The following NCAM1 variants were observed in gnomAD, a reference collection of about 807,000 sequenced individuals.
The protein encoded by NCAM1 is antigen recognized by monoclonal antibody 5.1H11.
Under a neutral mutation model 109.8 loss-of-function variants are expected in NCAM1, and 14 were observed. That is an observed-to-expected ratio of 0.13 (90% CI 0.08 to 0.20). The LOEUF (loss-of-function observed/expected upper bound fraction) is 0.20. Ranked by LOEUF, NCAM1 falls within the 10% of genes least tolerant of loss-of-function variation. NCAM1 has a pLI of 1.00. For synonymous variants in NCAM1, 418 were observed against 442.9 expected, an observed-to-expected ratio of 0.94 and a Z score of 0.70; for missense variants, 774 against 1,109.9, an observed-to-expected ratio of 0.70 and a Z score of 4.30.
chr11:113,002,598 G>A (rs1350705158), intron 1 of NCAM1, among the ~76,000 whole-genome samples: 3 of 152,082 alleles, frequency 2.0e-5, no homozygotes, highest in African/African-American at 7.2e-5. Context: ...ATATTTGAAG[G>A]GGCTTCCATC....
chr11:112,976,970 C>T (rs1392303240), intron 1 of NCAM1, among the ~76,000 whole-genome samples: 3 of 147,686 alleles, frequency 2.0e-5, no homozygotes, highest in Non-Finnish European at 4.5e-5. Flanking sequence ...TAGGTGCAAA[C>T]GTCAGGTAAT....
At chr11:113,065,899 G>A (rs562910889) in intron 1 of NCAM1, among the ~76,000 whole-genome samples, 26 of 152,270 alleles carry the variant, frequency 1.7e-4, no homozygotes, top group African/African-American at 5.3e-4. Flanking sequence ...ATGGAGAAAC[G>A]TTGCGAGTTG....
At chr11:113,185,875 C>G (rs1943493760) in intron 1 of NCAM1, among the ~76,000 whole-genome samples, 1 of 152,138 alleles carries the variant, frequency 6.6e-6, no homozygotes. Flanking sequence ...CCCGGAGGTA[C>G]TGATTCAAGA....
intron 3 of NCAM1, 32 bp downstream of exon 3, chr11:113,204,536 G>A (rs1340329507): frequency 6.2e-7 from 1 of 1,603,356 alleles, no homozygotes; most frequent in Non-Finnish European, 8.5e-7. Context: ...TGCATTCTCT[G>A]GCCTCTCCTT....
At chr11:113,128,697 C>T (rs1302649732) in intron 1 of NCAM1, among the ~76,000 whole-genome samples, 1 of 152,072 alleles carries the variant, frequency 6.6e-6, no homozygotes, top group Non-Finnish European at 1.5e-5. Context: ...GAAAAATAGG[C>T]CTCGTATTTC....
At chr11:113,231,278 GGCT>G (rs781920826) in intron 9 of NCAM1, 160 of 1,522,248 alleles carry the variant, frequency 1.1e-4, no homozygotes, top group Middle Eastern at 6.7e-4. Context: ...CATGAGGTAG[GGCT>G]GCTGCTGCTG....
At chr11:113,095,953 A>T (rs929356291) in intron 1 of NCAM1, among the ~76,000 whole-genome samples, 1 of 152,206 alleles carries the variant, frequency 6.6e-6, no homozygotes, top group East Asian at 1.9e-4. Flanking sequence ...ACGTAAATGG[A>T]ATATCTAGTA....
chr11:113,270,116 G>A, intron 17 of NCAM1, 72 bp from the exon 18 acceptor site: 1 of 1,477,858 alleles, frequency 6.8e-7, no homozygotes, highest in Non-Finnish European at 9.4e-7. Context: ...ACCCGCAGGG[G>A]CTTTTGCTGG....
In NCAM1 at chr11:113,155,373, G is replaced by A. The variant is rs1196450192; in HGVS notation, c.53-47006G>A. ...AAAATACAAAAGTTAGCTGGGTGTG[G>A]TGGTGGGTACCTGTAATCCCAGCTA... On this transcript the variant is annotated intron_variant, in intron 1 of 19. Transcript: ENST00000316851. Among the ~76,000 whole-genome samples, 2 of 152,018 alleles carry A rather than the reference G, an allele frequency of 1.3e-5. 1 individual carries two copies. Among genetic ancestry groups the A allele is most frequent in the South Asian group, 4.2e-4 (2 of 4,814 alleles).
At chr11:113,149,932 C>T (rs1005194564) in intron 1 of NCAM1, among the ~76,000 whole-genome samples, 2 of 152,074 alleles carry the variant, frequency 1.3e-5, no homozygotes, top group East Asian at 3.9e-4. Flanking sequence ...GGGATTGACT[C>T]TCAGAAGAAA....
chr11:113,146,414 T>C (rs868910174), intron 1 of NCAM1, among the ~76,000 whole-genome samples: 1 of 152,208 alleles, frequency 6.6e-6, no homozygotes, highest in African/African-American at 2.4e-5. Context: ...ATATTCCTCA[T>C]TGGATTCCTG....
chr11:113,177,026 T>A (rs1555107157), intron 1 of NCAM1, among the ~76,000 whole-genome samples: 1 of 152,218 alleles, frequency 6.6e-6, no homozygotes, highest in East Asian at 1.9e-4. Context: ...ACCTGCTTCA[T>A]CTTCTCCAAA....
chr11:113,219,599 C>T (rs1022186461), intron 8 of NCAM1, among the ~76,000 whole-genome samples: 33 of 152,098 alleles, frequency 2.2e-4, no homozygotes, highest in African/African-American at 7.7e-4. Flanking sequence ...TTGTTAGGGC[C>T]GAGATATTTC....
intron 1 of NCAM1, among the ~76,000 whole-genome samples, chr11:113,080,775 T>C (rs914485161): frequency 2.0e-5 from 3 of 152,232 alleles, no homozygotes; most frequent in Non-Finnish European, 4.4e-5. Context: ...TTTGTTTTCC[T>C]AGGTGCTTGA....
At chr11:113,204,198 ACT>A in intron 2 of NCAM1, 86 bp from the exon 3 acceptor site, 1 of 1,090,764 alleles carries the variant, frequency 9.2e-7, no homozygotes, top group Non-Finnish European at 1.3e-6. Context: ...TTGTTCAGTA[ACT>A]CTTACTGATC....
At chr11:113,003,583 T>C (rs1164205180) in intron 1 of NCAM1, among the ~76,000 whole-genome samples, 1 of 152,226 alleles carries the variant, frequency 6.6e-6, no homozygotes, top group Non-Finnish European at 1.5e-5. Flanking sequence ...ATTATGGGAT[T>C]TCCCCCCTAT....
rs143835034 is a variant in NCAM1 at position 113,032,300 on chromosome 11, A to G, written c.52+70636A>G. Among the ~76,000 whole-genome samples, 11 of 152,270 alleles carry G rather than the reference A, an allele frequency of 7.2e-5. No individual in the cohort carries two copies. The East Asian group carries it at 2.1e-3, about 29-fold the overall frequency. On this transcript the variant is annotated intron_variant, in intron 1 of 19. Coordinates refer to ENST00000316851, the MANE Select transcript of NCAM1 (RefSeq NM_181351.5). ...CTTTTGGACTTTCTTTGTTCAGGGT[A>G]TGCCATCTACTGAAACACTCCCTTC...
chr11:113,263,612 A>G, intron 17 of NCAM1: 1 of 985,516 alleles, frequency 1.0e-6, no homozygotes, highest in Non-Finnish European at 1.2e-6. Flanking sequence ...GTCTCTGTGA[A>G]CGGGGCCAAG....
chr11:112,998,850 A>C (rs1703348606), intron 1 of NCAM1, among the ~76,000 whole-genome samples: 2 of 152,192 alleles, frequency 1.3e-5, no homozygotes. Flanking sequence ...CATCAGTTAA[A>C]ATGGTTTTTT....
Sources: gnomAD v4.1 joint callset for allele counts (sites outside exome capture counted in the v4.1 genomes callset) on GRCh38, gnomAD v4.1.1 for gene constraint, MANE v1.5 for transcripts, NCBI Gene and HGNC (gene_info 2026-07-23, HGNC 2026-07-21) for gene names.